OPRK1: variants seen among roughly 807,000 people sequenced by gnomAD.
OPRK1 encodes the protein opioid receptor kappa 1.
A neutral mutation model predicts 24.5 loss-of-function variants in OPRK1; 15 were observed. The observed-to-expected ratio is 0.61, with a 90% CI of 0.41 to 0.94. The LOEUF (loss-of-function observed/expected upper bound fraction) is 0.94, where lower values mean the gene tolerates loss of function less well. Among genes scored for constraint, OPRK1 ranks in the 40% least tolerant of loss-of-function variants. The probability of loss-of-function intolerance (pLI) is 0.00; values close to 1 mark genes in which losing one functional copy is unlikely to be tolerated. For missense variants in OPRK1, 479 were observed against 507.3 expected (o/e 0.94, Z 0.54); for synonymous variants, 205 against 198.0 (o/e 1.04, Z -0.30).
chr8:53,246,595 C>A (rs986692409), intron 2 of OPRK1, among the ~76,000 whole-genome samples: 1 of 130,202 alleles, frequency 7.7e-6, no homozygotes, highest in Non-Finnish European at 1.6e-5. Context: ...ATGGTAAAGA[C>A]CCCAGGAGCA....
intron 2 of OPRK1, chr8:53,242,900 T>C (rs930518849): frequency 1.5e-4 from 195 of 1,288,228 alleles, no homozygotes; most frequent in Non-Finnish European, 1.9e-4. Context: ...TCGTCTTCCA[T>C]TGAAATTCCA....
At chr8:53,236,304 T>C (rs1332373947) in intron 2 of OPRK1, among the ~76,000 whole-genome samples, 1 of 152,188 alleles carries the variant, frequency 6.6e-6, no homozygotes, top group Non-Finnish European at 1.5e-5. Context: ...TAACTCACAG[T>C]ACGTGAGACA....
At chr8:53,247,777 C>T (rs1807267884) in intron 2 of OPRK1, among the ~76,000 whole-genome samples, 1 of 151,980 alleles carries the variant, frequency 6.6e-6, no homozygotes, top group Admixed American at 6.6e-5. Context: ...CGGCAGATCA[C>T]TTGAGATCAG....
At chr8:53,245,490 T>A (rs1432679725) in intron 2 of OPRK1, among the ~76,000 whole-genome samples, 1 of 152,134 alleles carries the variant, frequency 6.6e-6, no homozygotes, top group African/African-American at 2.4e-5. Context: ...CAGTCTGCGG[T>A]GCTTTGTTAT....
At position 53,229,614 on chromosome 8, in the gene OPRK1, C is replaced by CCTACG; in HGVS notation, c.825_826insCGTAG (p.Val276ArgfsTer45). 1 of 1,614,088 alleles carries CCTACG rather than the reference C, an allele frequency of 6.2e-7. No individual in the cohort carries two copies. Among genetic ancestry groups the CCTACG allele is most frequent in the Non-Finnish European group, 8.5e-7 (1 of 1,179,968 alleles). On this transcript the variant is annotated frameshift_variant, in exon 4 of 4. Coordinates refer to ENST00000265572, the MANE Select transcript of OPRK1 (RefSeq NM_000912.5). LOFTEE classifies it high-confidence loss of function. ...ACGAAGACTGCCACCACCACCAGGA[C>CCTACG]CAGTCTGGTGATCCTACGCAGGTTG... is the stretch of plus-strand genomic sequence containing the variant.
intron 3 of OPRK1, among the ~76,000 whole-genome samples, chr8:53,234,157 C>T (rs1585630057): frequency 1.6e-5 from 2 of 128,868 alleles, no homozygotes; most frequent in African/African-American, 6.7e-5. Context: ...GCACTCTAGC[C>T]TGGCAACAGA....
chr8:53,246,374 A>G (rs1034667529), intron 2 of OPRK1, among the ~76,000 whole-genome samples: 23 of 152,174 alleles, frequency 1.5e-4, no homozygotes, highest in Non-Finnish European at 2.5e-4. Flanking sequence ...AAAAGGAAAC[A>G]AAGAGTAGGG....
intron 2 of OPRK1, among the ~76,000 whole-genome samples, chr8:53,239,720 C>T (rs1445120433): frequency 6.6e-6 from 1 of 152,166 alleles, no homozygotes; most frequent in African/African-American, 2.4e-5. Flanking sequence ...TTAGTGAATG[C>T]CAGCCTTCAT....
chr8:53,242,954 G>T, intron 2 of OPRK1: 1 of 1,281,354 alleles, frequency 7.8e-7, no homozygotes, highest in Non-Finnish European at 1.0e-6. Context: ...GCCATTTATA[G>T]TATTATCCCC....
intron 2 of OPRK1, among the ~76,000 whole-genome samples, chr8:53,237,532 A>G (rs1807022714): frequency 6.6e-6 from 1 of 152,146 alleles, no homozygotes; most frequent in African/African-American, 2.4e-5. Flanking sequence ...TGCATTCCCC[A>G]AGCTTTGTCT....
chr8:53,243,950 T>C (rs1189036075), intron 2 of OPRK1, among the ~76,000 whole-genome samples: 1 of 152,142 alleles, frequency 6.6e-6, no homozygotes, highest in African/African-American at 2.4e-5. Context: ...GATTTGGTGA[T>C]ATTATCTAAG....
chr8:53,245,853 G>T (rs1316713923), intron 2 of OPRK1, among the ~76,000 whole-genome samples: 1 of 152,070 alleles, frequency 6.6e-6, no homozygotes, highest in African/African-American at 2.4e-5. Context: ...TCTGAAAATG[G>T]GGCCTGATCC....
chr8:53,251,380 C>CA (rs1807395475), intron 1 of OPRK1, 68 bp downstream of exon 1: 1 of 365,392 alleles, frequency 2.7e-6, no homozygotes, highest in African/African-American at 2.2e-5. Flanking sequence ...TCCCCAGGGT[C>CA]AAGCCCCCTT....
intron 2 of OPRK1, among the ~76,000 whole-genome samples, chr8:53,246,293 C>A (rs1454533328): frequency 6.6e-6 from 1 of 152,142 alleles, no homozygotes; most frequent in African/African-American, 2.4e-5. Flanking sequence ...GCATCTGAAA[C>A]ACACACCAGG....
In OPRK1 at chr8:53,251,083, G is replaced by T; in HGVS notation, c.-46C>A. 1 of 1,445,896 alleles carries T rather than the reference G, an allele frequency of 6.9e-7. No homozygotes were observed. 89.6% of individuals were successfully genotyped at this position (1,445,896 alleles called of 1,614,324 possible). Reference sequence around the variant, plus strand: ...AAGGCGAGGACAGGCGGCACCTGCGGCGCTGCGGGAGCGAAAGAACCGGCT... The same window carrying T: ...AAGGCGAGGACAGGCGGCACCTGCGTCGCTGCGGGAGCGAAAGAACCGGCT... On this transcript the variant is annotated splice_region_variant and 5_prime_UTR_variant, in exon 2 of 4. Coordinates refer to ENST00000265572, the MANE Select transcript of OPRK1 (RefSeq NM_000912.5).
intron 2 of OPRK1, among the ~76,000 whole-genome samples, chr8:53,245,318 T>C (rs569491135): frequency 2.0e-3 from 297 of 152,194 alleles, no homozygotes; most frequent in Non-Finnish European, 3.5e-3. Context: ...AAGACACAGA[T>C]GTGTAGGGGA....
chr8:53,235,513 T>G (rs1223534686), intron 2 of OPRK1, among the ~76,000 whole-genome samples: 4 of 152,148 alleles, frequency 2.6e-5, no homozygotes, highest in African/African-American at 9.7e-5. Flanking sequence ...TTTAAAACAT[T>G]TTTTTCCTCA....
At chr8:53,243,563 A>T (rs543099871) in intron 2 of OPRK1, among the ~76,000 whole-genome samples, 20 of 152,288 alleles carry the variant, frequency 1.3e-4, no homozygotes, top group African/African-American at 4.6e-4. Context: ...ATAGTCTCTG[A>T]TCCCTGAGAA....
At position 53,234,897 on chromosome 8, in the gene OPRK1, T is replaced by A; in HGVS notation, c.472A>T (p.Ile158Phe). The change falls in exon 3 of 4, where the codon ATT (isoleucine) becomes TTT (phenylalanine). Residue 158 changes from isoleucine (I) to phenylalanine (F), a missense_variant. Physicochemically the swap from Ile to Phe is conservative, Grantham distance 21. Coordinates refer to ENST00000265572, the MANE Select transcript of OPRK1 (RefSeq NM_000912.5). ...GCCTTCACGGGGTGGCACACGGCAA[T>A]GTAGCGGTCCACGCTCATCATGGTC... is the stretch of plus-strand genomic sequence containing the variant. ...TLTMMSVDRY[I>F]AVCHPVKALD... is the part of the protein sequence containing the mutation. The A allele has an allele frequency of 1.9e-6, 3 of 1,614,166 alleles. No individual in the cohort carries two copies. Among genetic ancestry groups the A allele is most frequent in the Non-Finnish European group, 2.5e-6 (3 of 1,180,046 alleles).
Sources: allele counts gnomAD v4.1 joint callset (sites outside exome capture counted in the v4.1 genomes callset), GRCh38; gene constraint gnomAD v4.1.1; transcripts MANE v1.5; gene names NCBI Gene and HGNC (gene_info 2026-07-23, HGNC 2026-07-21).